The following MATN2 variants were observed in gnomAD, a reference collection of about 807,000 sequenced individuals.
MATN2 encodes matrilin 2.
Under a neutral mutation model 103.2 loss-of-function variants are expected in MATN2, and 69 were observed. That is an observed-to-expected ratio of 0.67 (90% CI 0.55 to 0.82). The LOEUF (loss-of-function observed/expected upper bound fraction) is 0.82. Among genes scored for constraint, MATN2 ranks in the 40% least tolerant of loss-of-function variants. The probability of loss-of-function intolerance (pLI) is 0.00; values close to 1 mark genes in which losing one functional copy is unlikely to be tolerated. For missense variants in MATN2, 1,023 were observed against 1,211.5 expected (o/e 0.84, Z 2.31); for synonymous variants, 429 against 450.2 (o/e 0.95, Z 0.60).
At chr8:97,933,163 G>C (rs568581474) in intron 3 of MATN2, among the ~76,000 whole-genome samples, 26 of 152,284 alleles carry the variant, frequency 1.7e-4, no homozygotes, top group South Asian at 6.2e-4. Context: ...AAGAAAAAAA[G>C]AACCTTTTTC....
intron 6 of MATN2, among the ~76,000 whole-genome samples, chr8:97,979,783 G>C (rs909307710): frequency 8.5e-5 from 13 of 152,088 alleles, no homozygotes; most frequent in African/African-American, 3.1e-4. Context: ...ATAGGGTAAG[G>C]CACCTCAGAG....
chr8:98,030,715 T>C, intron 15 of MATN2, 101 bp downstream of exon 15: 3 of 1,143,038 alleles, frequency 2.6e-6, no homozygotes, highest in Non-Finnish European at 3.7e-6. Flanking sequence ...CAGGCTGGAG[T>C]GCAGTGGCAC....
rs577818373 is a variant in MATN2, at chr8:97,939,107, C to T, written c.713-2670C>T. ...GGCCAGGCTGGTCTTAAACTCCTGACCTCAACTGATCCACCCACCTTGGCC... is the reference window on the plus strand; with the variant it reads ...GGCCAGGCTGGTCTTAAACTCCTGATCTCAACTGATCCACCCACCTTGGCC... On this transcript the variant is annotated intron_variant, in intron 3 of 18. Coordinates refer to ENST00000254898, the MANE Select transcript of MATN2 (RefSeq NM_002380.5). 2.1e-5 allele frequency among the ~76,000 whole-genome samples: 3 copies of T among 145,990 alleles called. No homozygotes were observed. The East Asian group carries it at 5.9e-4, about 29-fold the overall frequency.
intron 4 of MATN2, among the ~76,000 whole-genome samples, chr8:97,955,624 A>G (rs1811120631): frequency 6.6e-6 from 1 of 152,262 alleles, no homozygotes; most frequent in Non-Finnish European, 1.5e-5. Context: ...AGTCAACAAT[A>G]GATGGCTACT....
intron 1 of MATN2, among the ~76,000 whole-genome samples, chr8:97,878,312 CCCAGCACTTGGGAGG>C (rs1818144068): frequency 1.3e-5 from 2 of 152,242 alleles, no homozygotes; most frequent in Admixed American, 1.3e-4. Flanking sequence ...CACCTGTAAT[CCCAGCACTTGGGAGG>C]CCAAGGCTGG....
intron 18 of MATN2, among the ~76,000 whole-genome samples, chr8:98,035,433 G>C (rs563526056): frequency 2.0e-5 from 3 of 150,184 alleles, no homozygotes; most frequent in Non-Finnish European, 2.9e-5. Context: ...ATCTGGCTTT[G>C]CTGATGTTAA....
intron 2 of MATN2, among the ~76,000 whole-genome samples, chr8:97,903,607 A>G (rs1819063636): frequency 6.6e-6 from 1 of 152,190 alleles, no homozygotes. Flanking sequence ...GATGCCAAAT[A>G]TCCTAGGCGG....
intron 4 of MATN2, among the ~76,000 whole-genome samples, chr8:97,959,017 C>T (rs1342709109): frequency 6.6e-6 from 1 of 152,200 alleles, no homozygotes; most frequent in East Asian, 1.9e-4. Context: ...CCATACCTGC[C>T]AGCCTTTCCC....
chr8:97,869,457 C>A (rs2129905634), intron 1 of MATN2, among the ~76,000 whole-genome samples, 170 bp downstream of exon 1: 1 of 152,078 alleles, frequency 6.6e-6, no homozygotes, highest in Middle Eastern at 3.4e-3. Context: ...TTCGACCCCT[C>A]CGAGGACAGG....
At chr8:97,958,127 A>AT (rs1455738349) in intron 4 of MATN2, among the ~76,000 whole-genome samples, 1 of 152,172 alleles carries the variant, frequency 6.6e-6, no homozygotes, top group African/African-American at 2.4e-5. Flanking sequence ...TAACAGGTTG[A>AT]TTTTTTTGTC....
chr8:97,958,779 C>A (rs1032883931), intron 4 of MATN2, among the ~76,000 whole-genome samples: 1 of 152,174 alleles, frequency 6.6e-6, no homozygotes, highest in Non-Finnish European at 1.5e-5. Context: ...GCTGGTCTCC[C>A]TTTTTAAAGT....
intron 4 of MATN2, among the ~76,000 whole-genome samples, chr8:97,955,854 G>A (rs1056953349): frequency 1.3e-5 from 2 of 152,246 alleles, no homozygotes; most frequent in Non-Finnish European, 2.9e-5. Context: ...CACTGTGCTA[G>A]ATACCGGGAT....
At chr8:98,017,949 A>C in intron 11 of MATN2, 45 bp from the exon 12 acceptor site, 2 of 1,606,400 alleles carry the variant, frequency 1.2e-6, no homozygotes, top group Non-Finnish European at 1.7e-6. Context: ...GTCCATGTGA[A>C]ATGTATGTTG....
chr8:97,912,727 T>G (rs1255406635), intron 2 of MATN2, among the ~76,000 whole-genome samples: 1 of 152,130 alleles, frequency 6.6e-6, no homozygotes, highest in Admixed American at 6.6e-5. Flanking sequence ...TGAAGAGGAC[T>G]GAGCATGCCT....
At chr8:97,916,577 A>G (rs946394704) in intron 2 of MATN2, among the ~76,000 whole-genome samples, 9 of 151,876 alleles carry the variant, frequency 5.9e-5, no homozygotes, top group Non-Finnish European at 1.0e-4. Context: ...GTTCCCCTCT[A>G]TGTGTCCGTG....
intron 2 of MATN2, among the ~76,000 whole-genome samples, chr8:97,891,267 G>A (rs960228783): frequency 4.6e-5 from 7 of 152,228 alleles, no homozygotes; most frequent in African/African-American, 1.4e-4. Flanking sequence ...CAGGCTTAGT[G>A]TAAGGCAGTG....
At chr8:97,949,408 A>T (rs1810868773) in intron 4 of MATN2, among the ~76,000 whole-genome samples, 1 of 152,032 alleles carries the variant, frequency 6.6e-6, no homozygotes, top group African/African-American at 2.4e-5. Context: ...TTCTGAACTC[A>T]GATCATCTGT....
intron 2 of MATN2, among the ~76,000 whole-genome samples, chr8:97,902,820 A>AT (rs922691063): frequency 1.5e-4 from 23 of 152,142 alleles, no homozygotes; most frequent in Non-Finnish European, 2.8e-4. Context: ...GTGGGTCTAC[A>AT]TTGCAGTAAA....
Position 97,922,514 on chromosome 8 carries a change from C to G in MATN2, c.143-8439C>G, listed in dbSNP as rs563446536. Among the ~76,000 whole-genome samples, 77 of 152,272 alleles carry G rather than the reference C, an allele frequency of 5.1e-4. 2 individuals carry two copies. The highest frequency in any genetic ancestry group is 1.8e-3 in the African/African-American group (75 of 41,560). On this transcript the variant is annotated intron_variant, in intron 2 of 18. Coordinates refer to ENST00000254898, the MANE Select transcript of MATN2 (RefSeq NM_002380.5). ...CGTGGGTAAAATTGAGTACTTCAAT[C>G]TTTGTTGCAGAGCACCAGGCTCTAA...
Sources: allele counts gnomAD v4.1 joint callset (sites outside exome capture counted in the v4.1 genomes callset), GRCh38; gene constraint gnomAD v4.1.1; transcripts MANE v1.5; gene names NCBI Gene and HGNC (gene_info 2026-07-23, HGNC 2026-07-21).